Variants in PLSCR2 observed in about 807,000 individuals in gnomAD.
PLSCR2 encodes phospholipid scramblase 2.
Under a neutral mutation model 25.3 loss-of-function variants are expected in PLSCR2, and 18 were observed. The ratio of observed to expected loss-of-function variants is 0.71; its 90% CI spans 0.49 to 1.06. The LOEUF (loss-of-function observed/expected upper bound fraction) is 1.06. PLSCR2 is among the 50% of genes least tolerant of loss of function. PLSCR2 has a pLI of 0.00. For missense variants in PLSCR2, 243 were observed against 269.5 expected, an observed-to-expected ratio of 0.90 and a Z score of 0.69; for synonymous variants, 88 against 87.3, an observed-to-expected ratio of 1.01 and a Z score of -0.04.
exon 4 of PLSCR2, chr3:146,455,413 G>T (rs1445829343): frequency 6.2e-7 from 1 of 1,613,138 alleles, no homozygotes; most frequent in Non-Finnish European, 8.5e-7. Context: ...TCTGCCCAAA[G>T]CTGTTCTTGA....
intron 1 of PLSCR2, among the ~76,000 whole-genome samples, chr3:146,475,412 T>C (rs1407326108): frequency 6.6e-6 from 1 of 152,126 alleles, no homozygotes; most frequent in Non-Finnish European, 1.5e-5. Flanking sequence ...TGCAGTTTTC[T>C]GGGGGTTCAC....
chr3:146,466,473 G>A (rs1326772882), intron 1 of PLSCR2, among the ~76,000 whole-genome samples: 1 of 152,138 alleles, frequency 6.6e-6, no homozygotes, highest in Non-Finnish European at 1.5e-5. Context: ...CTGGCCTATA[G>A]AATTGTATAT....
chr3:146,392,850 C>CTTT (rs66802856), intron 3 of PLSCR2, among the ~76,000 whole-genome samples: 4,558 of 141,230 alleles, frequency 0.032, 101 homozygotes, highest in Non-Finnish European at 0.048. Context: ...TGGGTTTATT[C>CTTT]TTTTTTTTTT....
chr3:146,469,064 G>C, intron 1 of PLSCR2: 1 of 914,256 alleles, frequency 1.1e-6, no homozygotes, highest in South Asian at 5.0e-5. Context: ...AGAGGGCCTA[G>C]CATAGACGTG....
At chr3:146,475,694 T>G (rs498201) in intron 1 of PLSCR2, among the ~76,000 whole-genome samples, 35,060 of 152,110 alleles carry the variant, frequency 0.23, 4,080 homozygotes, top group South Asian at 0.34. Context: ...TCCTTAAATA[T>G]GCTGCATAAG....
intron 1 of PLSCR2, among the ~76,000 whole-genome samples, chr3:146,487,907 T>C (rs549197921): frequency 6.6e-6 from 1 of 152,260 alleles, no homozygotes; most frequent in Admixed American, 6.5e-5. Flanking sequence ...GGCATCATGC[T>C]ACATGACTTC....
At chr3:146,469,034 CT>C (rs1560039479) in intron 1 of PLSCR2, 1 of 740,940 alleles carries the variant, frequency 1.3e-6, no homozygotes, top group Non-Finnish European at 1.6e-6. Context: ...CCGCCACTAT[CT>C]TTCCTAAGCT....
At chr3:146,476,784 C>T (rs2042299596) in intron 1 of PLSCR2, among the ~76,000 whole-genome samples, 1 of 152,226 alleles carries the variant, frequency 6.6e-6, no homozygotes, top group Non-Finnish European at 1.5e-5. Flanking sequence ...TGCATCCCTC[C>T]TTACTGGGTG....
chr3:146,480,430 C>T (rs1436550801), intron 1 of PLSCR2, among the ~76,000 whole-genome samples: 1 of 152,106 alleles, frequency 6.6e-6, no homozygotes, highest in Non-Finnish European at 1.5e-5. Context: ...CACAGAAATA[C>T]AAACTACCAT....
At chr3:146,443,663 G>T (rs1192543170) in intron 6 of PLSCR2, among the ~76,000 whole-genome samples, 1 of 151,604 alleles carries the variant, frequency 6.6e-6, no homozygotes, top group Non-Finnish European at 1.5e-5. Flanking sequence ...TTCTTAGTTG[G>T]TCAGGCTAAA....
At chr3:146,483,654 T>C (rs553376736) in intron 1 of PLSCR2, among the ~76,000 whole-genome samples, 1 of 150,898 alleles carries the variant, frequency 6.6e-6, no homozygotes, top group African/African-American at 2.4e-5. Flanking sequence ...GAATAGGGCC[T>C]GAAGTAAACC....
chr3:146,477,992 T>A (rs1394240823), intron 1 of PLSCR2, among the ~76,000 whole-genome samples: 1 of 152,012 alleles, frequency 6.6e-6, no homozygotes, highest in Non-Finnish European at 1.5e-5. Context: ...TCCAGCAAAC[T>A]CCAACAGACC....
downstream of PLSCR2, among the ~76,000 whole-genome samples, chr3:146,440,607 T>G (rs2040182675): frequency 6.6e-6 from 1 of 152,176 alleles, no homozygotes; most frequent in South Asian, 2.1e-4. Flanking sequence ...GTGTGCCATT[T>G]TCTCAGTTGG....
At chr3:146,432,786 A>G (rs911184225), downstream of PLSCR2, among the ~76,000 whole-genome samples, 2 of 152,188 alleles carry the variant, frequency 1.3e-5, no homozygotes, top group African/African-American at 4.8e-5. Context: ...CTATTCTATT[A>G]CTACCTAAAA....
chr3:146,452,010 CA>C (rs2040926112), intron 5 of PLSCR2, among the ~76,000 whole-genome samples: 1 of 152,198 alleles, frequency 6.6e-6, no homozygotes, highest in African/African-American at 2.4e-5. Context: ...AACAAATTGT[CA>C]AACCCATGGA....
intron 2 of PLSCR2, among the ~76,000 whole-genome samples, chr3:146,423,262 TC>T (rs2039216555): frequency 6.9e-6 from 1 of 145,104 alleles, no homozygotes; most frequent in Non-Finnish European, 1.5e-5. Flanking sequence ...TCTCTCTCTC[TC>T]TCTCTCTCTC....
At chr3:146,422,182 G>A (rs892468399) in intron 2 of PLSCR2, among the ~76,000 whole-genome samples, 6 of 152,032 alleles carry the variant, frequency 3.9e-5, no homozygotes, top group African/African-American at 1.4e-4. Context: ...CATCATTCAT[G>A]CCTAGAAGTC....
chr3:146,478,629 G>A (rs772335815), intron 1 of PLSCR2, among the ~76,000 whole-genome samples: 1 of 152,236 alleles, frequency 6.6e-6, no homozygotes, highest in Non-Finnish European at 1.5e-5. Flanking sequence ...TGGTGTACCT[G>A]AAAGTGACGA....
upstream of PLSCR2, chr3:146,461,725 A>C: frequency 3.2e-6 from 2 of 631,400 alleles, no homozygotes; most frequent in Non-Finnish European, 5.7e-6. Flanking sequence ...GGAGAGTCAT[A>C]AGAAAGGAGG....
Sources: allele counts gnomAD v4.1 joint callset (sites outside exome capture counted in the v4.1 genomes callset), GRCh38; gene constraint gnomAD v4.1.1; transcripts MANE v1.5; gene names NCBI Gene and HGNC (gene_info 2026-07-23, HGNC 2026-07-21).